The following ZNF66 variants were observed in gnomAD, a reference collection of about 807,000 sequenced individuals.
ZNF66 encodes the protein zinc finger protein 66.
In ZNF66, 32 loss-of-function variants were observed where a neutral mutation model predicts 35.2. The observed-to-expected ratio is 0.91, with a 90% CI of 0.69 to 1.22. The LOEUF (loss-of-function observed/expected upper bound fraction) is 1.22, where lower values mean the gene tolerates loss of function less well. Among genes scored for constraint, ZNF66 ranks in the 50% most tolerant of loss-of-function variants. The pLI, the probability that ZNF66 is intolerant of heterozygous loss-of-function variation, is 0.00. For missense variants in ZNF66, 666 were observed against 543.1 expected, an observed-to-expected ratio of 1.23 and a Z score of -2.25; for synonymous variants, 231 against 181.3, an observed-to-expected ratio of 1.27 and a Z score of -2.20.
intron 1 of ZNF66, among the ~76,000 whole-genome samples, chr19:20,778,778 G>A (rs1423140774): frequency 2.2e-5 from 3 of 133,444 alleles, no homozygotes; most frequent in South Asian, 2.4e-4. Flanking sequence ...GTGAGACTTC[G>A]TCTCAAAAAA....
At chr19:20,793,210 G>C (rs1206691644) in intron 2 of ZNF66, among the ~76,000 whole-genome samples, 1 of 151,524 alleles carries the variant, frequency 6.6e-6, no homozygotes, top group African/African-American at 2.4e-5. Context: ...AAATATTGTA[G>C]CTTCCACCTG....
intron 3 of ZNF66, among the ~76,000 whole-genome samples, chr19:20,798,050 T>TA (rs5827481): frequency 0.17 from 25,879 of 152,080 alleles, 2,515 homozygotes; most frequent in African/African-American, 0.26. Flanking sequence ...CAATTTTAGT[T>TA]ATGGCTTATC....
At chr19:20,776,862 C>T (rs894199010) in intron 1 of ZNF66, among the ~76,000 whole-genome samples, 3 of 152,084 alleles carry the variant, frequency 2.0e-5, no homozygotes, top group Admixed American at 6.6e-5. Flanking sequence ...AGCCTGTAAT[C>T]CCCGCACGTT....
At chr19:20,793,614 C>T (rs1419095322) in intron 2 of ZNF66, among the ~76,000 whole-genome samples, 169 bp from the exon 3 acceptor site, 1 of 152,030 alleles carries the variant, frequency 6.6e-6, no homozygotes, top group African/African-American at 2.4e-5. Context: ...AGCCACTGCA[C>T]CAGGCAAATT....
intron 1 of ZNF66, among the ~76,000 whole-genome samples, chr19:20,781,050 G>A (rs1468801130): frequency 2.0e-5 from 3 of 152,176 alleles, no homozygotes; most frequent in African/African-American, 7.2e-5. Context: ...ATCCACAGAT[G>A]CTAAATCTGC....
chr19:20,803,745 T>A (rs1479075354), intron 3 of ZNF66, among the ~76,000 whole-genome samples: 1 of 149,962 alleles, frequency 6.7e-6, no homozygotes, highest in Non-Finnish European at 1.5e-5. Context: ...TGGAGGAAAC[T>A]CACCATCTTT....
Position 20,801,469 on chromosome 19 carries a change from A to G in ZNF66, c.227-4358A>G, listed in dbSNP as rs567308941. 7.3e-5 allele frequency among the ~76,000 whole-genome samples: 11 copies of G among 151,724 alleles called. No individual in the cohort carries two copies. The East Asian group carries it at 1.9e-3, about 27-fold the overall frequency. The stretch of plus-strand genomic sequence containing the variant: ...AGTGATTCTCCTGCCTCAGCCTTCC[A>G]AGTAGCTGGGATTACAGGCACATGC... On this transcript the variant is annotated intron_variant, in intron 3 of 3. Coordinates refer to ENST00000344519, the MANE Select transcript of ZNF66 (RefSeq NM_001355197.2).
intron 1 of ZNF66, among the ~76,000 whole-genome samples, chr19:20,782,980 T>C (rs1971257834): frequency 6.6e-6 from 1 of 152,204 alleles, no homozygotes; most frequent in South Asian, 2.1e-4. Context: ...TTCTTATAAT[T>C]TTAAGTTTAC....
At chr19:20,781,151 G>C (rs1168526832) in intron 1 of ZNF66, among the ~76,000 whole-genome samples, 1 of 152,148 alleles carries the variant, frequency 6.6e-6, no homozygotes, top group Non-Finnish European at 1.5e-5. Context: ...TCAGAGTATG[G>C]CTGCATTGGG....
intron 1 of ZNF66, among the ~76,000 whole-genome samples, chr19:20,792,182 T>C (rs1348325962): frequency 6.6e-6 from 1 of 152,200 alleles, no homozygotes; most frequent in African/African-American, 2.4e-5. Flanking sequence ...AAAACATGCC[T>C]TTTTCATCTG....
intron 3 of ZNF66, among the ~76,000 whole-genome samples, chr19:20,802,587 C>T (rs1207443522): frequency 1.3e-5 from 2 of 151,994 alleles, no homozygotes; most frequent in Non-Finnish European, 2.9e-5. Flanking sequence ...TGTGTTAAGG[C>T]TTCATTTTTG....
chr19:20,804,643 T>C (rs1003170561), intron 3 of ZNF66, among the ~76,000 whole-genome samples: 1 of 152,118 alleles, frequency 6.6e-6, no homozygotes, highest in Non-Finnish European at 1.5e-5. Flanking sequence ...GCTCTAATAT[T>C]TTGTATTCAT....
intron 3 of ZNF66, among the ~76,000 whole-genome samples, chr19:20,797,005 C>T (rs1971398369): frequency 1.3e-5 from 2 of 151,900 alleles, no homozygotes; most frequent in South Asian, 4.2e-4. Context: ...CATGTGTCAC[C>T]ACCCCTGGCA....
intron 1 of ZNF66, among the ~76,000 whole-genome samples, chr19:20,779,124 G>C (rs1023413517): frequency 1.3e-5 from 2 of 152,108 alleles, no homozygotes; most frequent in Non-Finnish European, 2.9e-5. Flanking sequence ...TAAGATGAAA[G>C]GAAACTGAGA....
At chr19:20,793,717 G>GC in intron 2 of ZNF66, 66 bp from the exon 3 acceptor site, 4 of 578,960 alleles carry the variant, frequency 6.9e-6, no homozygotes, top group Non-Finnish European at 8.8e-6. Flanking sequence ...TCTTTCCTGA[G>GC]CACATTACTA....
chr19:20,802,384 G>A (rs1348938859), intron 3 of ZNF66, among the ~76,000 whole-genome samples: 1 of 151,882 alleles, frequency 6.6e-6, no homozygotes, highest in African/African-American at 2.4e-5. Flanking sequence ...CACTCACCTC[G>A]ACCTCCCAAA....
At chr19:20,804,471 C>T (rs367687) in intron 3 of ZNF66, among the ~76,000 whole-genome samples, 6 of 151,986 alleles carry the variant, frequency 3.9e-5, no homozygotes, top group African/African-American at 1.5e-4. Flanking sequence ...TCTTGAACCT[C>T]TGACCTCAAA....
intron 2 of ZNF66, among the ~76,000 whole-genome samples, chr19:20,793,568 G>A (rs374661702): frequency 2.6e-5 from 4 of 151,876 alleles, no homozygotes; most frequent in Non-Finnish European, 5.9e-5. Context: ...GGATCTGCCT[G>A]CCTCGGCCTC....
chr19:20,802,814 T>G (rs1046372042), intron 3 of ZNF66, among the ~76,000 whole-genome samples: 6 of 152,206 alleles, frequency 3.9e-5, no homozygotes, highest in Middle Eastern at 3.2e-3. Context: ...GCTCTCTGTG[T>G]GTATTCAATT....
Sources: gnomAD v4.1 joint callset for allele counts (sites outside exome capture counted in the v4.1 genomes callset) on GRCh38, gnomAD v4.1.1 for gene constraint, MANE v1.5 for transcripts, NCBI Gene and HGNC (gene_info 2026-07-23, HGNC 2026-07-21) for gene names.